The following LRRC9 variants were observed in gnomAD, a reference collection of about 807,000 sequenced individuals.
The protein encoded by LRRC9 is leucine rich repeat containing 9.
Under a neutral mutation model 63.2 loss-of-function variants are expected in LRRC9, and 122 were observed. The observed-to-expected ratio is 1.93, with a 90% CI of 1.67 to 2.24. LRRC9 has a LOEUF of 2.24. LRRC9 is among the 30% of genes most tolerant of loss of function. The probability of loss-of-function intolerance (pLI) is 0.00; values close to 1 mark genes in which losing one functional copy is unlikely to be tolerated. For missense variants in LRRC9, 1,071 were observed against 627.7 expected (o/e 1.71, Z -7.55); for synonymous variants, 366 against 213.1 (o/e 1.72, Z -6.25).
chr14:59,974,298 G>C (rs1420904804), intron 12 of LRRC9, among the ~76,000 whole-genome samples: 1 of 152,060 alleles, frequency 6.6e-6, no homozygotes, highest in Admixed American at 6.6e-5. Flanking sequence ...TATTGCTCCT[G>C]CTCCACATAG....
chr14:59,936,432 C>A lies in LRRC9; in HGVS notation c.544-1958C>A, dbSNP rs191648804. On this transcript the variant is annotated intron_variant, in intron 6 of 31. Transcript: ENST00000445360. The surrounding 1 kb of genome is among the most constrained non-coding windows in gnomAD (Gnocchi z 4.2). ...TATCTTATCATGGTGGTGATTGAATCAATTCTGTGCCCACCTTCCAACCAT... is the reference window on the plus strand; with the variant it reads ...TATCTTATCATGGTGGTGATTGAATAAATTCTGTGCCCACCTTCCAACCAT... 6.8e-4 allele frequency among the ~76,000 whole-genome samples: 104 copies of A among 152,204 alleles called. 2 individuals carry two copies. Among genetic ancestry groups the A allele is most frequent in the African/African-American group, 2.3e-3 (97 of 41,532 alleles).
chr14:59,987,327 A>G (rs1271426120), intron 17 of LRRC9, among the ~76,000 whole-genome samples: 2 of 150,458 alleles, frequency 1.3e-5, no homozygotes, highest in Non-Finnish European at 3.0e-5. Context: ...GCTTTTGGCA[A>G]CCAGTTACAT....
intron 1 of LRRC9, among the ~76,000 whole-genome samples, chr14:59,924,767 G>A (rs1217709644): frequency 6.6e-6 from 1 of 152,084 alleles, no homozygotes; most frequent in Non-Finnish European, 1.5e-5. Flanking sequence ...GATAGCACAT[G>A]ATTTGGCCCT....
Position 60,031,997 on chromosome 14 carries a change from T to C in LRRC9, c.3924T>C (p.Asp1308=). The C allele has an allele frequency of 2.9e-6, 2 of 700,352 alleles. No individual in the cohort carries two copies. The highest frequency in any genetic ancestry group is 2.0e-5 in the Admixed American group (1 of 49,838). 43.4% of individuals were successfully genotyped at this position (700,352 alleles called of 1,614,324 possible). ...CTTACTGATTAACTTTTGAATAGGATATCACAGAACTGGAAAAACTTGACG... is the reference window on the plus strand; with the variant it reads ...CTTACTGATTAACTTTTGAATAGGACATCACAGAACTGGAAAAACTTGACG... Residue 1308 remains aspartate, a splice_region_variant and synonymous_variant, in exon 29 of 32, where the codon GAT becomes GAC. Coordinates refer to ENST00000445360, the Ensembl canonical transcript of LRRC9. This position sits in a 1 kb window ranked among gnomAD's most constrained non-coding sequence, Gnocchi z 4.6.
intron 29 of LRRC9, among the ~76,000 whole-genome samples, chr14:60,037,636 G>C (rs146308449): frequency 5.9e-5 from 9 of 152,196 alleles, no homozygotes; most frequent in Admixed American, 1.3e-4. Flanking sequence ...TTGAAAATTT[G>C]TTTAGGTTCT....
At chr14:59,955,104 C>CT (rs1193668558) in intron 8 of LRRC9, among the ~76,000 whole-genome samples, 2 of 152,082 alleles carry the variant, frequency 1.3e-5, no homozygotes, top group Middle Eastern at 3.2e-3. Context: ...CTGATATTTT[C>CT]TTTTTTTGTT....
Position 60,007,990 on chromosome 14 carries a change from G to A in LRRC9, c.3064-102G>A, listed in dbSNP as rs992409448. 6 of 468,466 alleles carry A rather than the reference G, an allele frequency of 1.3e-5. No homozygotes were observed. The East Asian group carries it at 2.1e-4, about 16-fold the overall frequency. 29.0% of individuals were successfully genotyped at this position (468,466 alleles called of 1,614,324 possible). A position where few individuals can be genotyped will look rare whatever the true frequency, so the allele number is the denominator to read the frequency against. On this transcript the variant is annotated intron_variant, in intron 22 of 31. Transcript: ENST00000445360. ...ATACTTAAAGGCACTGAAATCCCATGGAATGATAGATAATTCCAATATTAA... is the reference window on the plus strand; with the variant it reads ...ATACTTAAAGGCACTGAAATCCCATAGAATGATAGATAATTCCAATATTAA...
intron 12 of LRRC9, among the ~76,000 whole-genome samples, chr14:59,970,621 A>G (rs762353242): frequency 1.3e-5 from 2 of 152,166 alleles, no homozygotes; most frequent in Non-Finnish European, 2.9e-5. Flanking sequence ...AATAATAGCC[A>G]TTCTGACTGG....
chr14:60,058,171 T>C lies in LRRC9; in HGVS notation c.4276+149T>C, dbSNP rs889753481. The C allele has an allele frequency of 2.2e-6, 1 of 457,724 alleles. No individual in the cohort carries two copies. Among genetic ancestry groups the C allele is most frequent in the African/African-American group, 1.9e-5 (1 of 51,814 alleles). 28.4% of individuals were successfully genotyped at this position (457,724 alleles called of 1,614,324 possible). On this transcript the variant is annotated intron_variant, in intron 31 of 31. Transcript: ENST00000445360. This position sits in a 1 kb window ranked among gnomAD's most constrained non-coding sequence, Gnocchi z 4.4. ...TTGCTCAAGTTTCCTATGGCCATTT[T>C]GATTTCAGAGATTATAGTTTTATTA...
chr14:60,055,035 C>A (rs1310390385), intron 30 of LRRC9, among the ~76,000 whole-genome samples: 3 of 152,238 alleles, frequency 2.0e-5, no homozygotes, highest in Non-Finnish European at 4.4e-5. Flanking sequence ...GCTGGGATTA[C>A]AGGCTTGAGC....
chr14:59,973,207 T>G (rs1280881924), intron 12 of LRRC9, among the ~76,000 whole-genome samples: 1 of 152,116 alleles, frequency 6.6e-6, no homozygotes, highest in Non-Finnish European at 1.5e-5. Context: ...CTCTATAAAC[T>G]CCTTCCTAAT....
intron 17 of LRRC9, among the ~76,000 whole-genome samples, chr14:59,987,846 TTATC>T (rs1418712451): frequency 6.6e-6 from 1 of 152,246 alleles, no homozygotes; most frequent in African/African-American, 2.4e-5. Context: ...ACATTTCTCA[TTATC>T]TATTATTTTA....
chr14:60,044,709 T>C (rs1171635080), intron 29 of LRRC9, among the ~76,000 whole-genome samples: 1 of 152,238 alleles, frequency 6.6e-6, no homozygotes, highest in Non-Finnish European at 1.5e-5. Context: ...GCCTAAGATA[T>C]GGTCTATTAT....
chr14:59,927,385 G>A lies in LRRC9; in HGVS notation c.-33-526G>A, dbSNP rs1229006987. On this transcript the variant is annotated intron_variant, in intron 1 of 31. Coordinates refer to ENST00000445360, the Ensembl canonical transcript of LRRC9. This position sits in a 1 kb window ranked among gnomAD's most constrained non-coding sequence, Gnocchi z 4.4. The stretch of plus-strand genomic sequence containing the variant: ...GTTGGTTCATATTCTCTAGAATGAA[G>A]GAGAAGTTGGAGTATTTATTTTAAT... Among the ~76,000 whole-genome samples the A allele has an allele frequency of 2.0e-5, 3 of 151,946 alleles. No homozygotes were observed. Among genetic ancestry groups the A allele is most frequent in the African/African-American group, 7.3e-5 (3 of 41,340 alleles).
Position 59,919,907 on chromosome 14 carries a change from T to C in LRRC9, c.-34+24T>C, listed in dbSNP as rs998819816. 8 of 152,166 alleles carry C rather than the reference T, an allele frequency of 5.3e-5. No homozygotes were observed. The highest frequency in any genetic ancestry group is 1.2e-4 in the Non-Finnish European group (8 of 68,052). The allele number at this position is 152,166 out of a possible 1,614,324, so 9.4% of individuals were successfully genotyped here. A position where few individuals can be genotyped will look rare whatever the true frequency, so the allele number is the denominator to read the frequency against. ...AGGTAAGTGAAAAGATAAGCGCAGG[T>C]ACAGAAAAACCTGCCAGCGAGAAGC... is the stretch of plus-strand genomic sequence containing the variant. On this transcript the variant is annotated intron_variant, in intron 1 of 31. Coordinates refer to ENST00000445360, the Ensembl canonical transcript of LRRC9. The surrounding 1 kb of genome is among the most constrained non-coding windows in gnomAD (Gnocchi z 4.5).
intron 29 of LRRC9, among the ~76,000 whole-genome samples, chr14:60,037,519 A>G (rs1326801921): frequency 6.6e-6 from 1 of 152,348 alleles, no homozygotes; most frequent in Admixed American, 6.5e-5. Flanking sequence ...ATGGCCAGTG[A>G]TAATGAGCAT....
At chr14:59,940,785 G>T (rs569752779) in intron 7 of LRRC9, among the ~76,000 whole-genome samples, 57 of 151,790 alleles carry the variant, frequency 3.8e-4, no homozygotes, top group Non-Finnish European at 7.4e-4. Flanking sequence ...TTCTTTTTTG[G>T]CCACCTAAGA....
intron 12 of LRRC9, among the ~76,000 whole-genome samples, chr14:59,968,033 C>T (rs555935905): frequency 8.9e-4 from 136 of 152,196 alleles, no homozygotes; most frequent in African/African-American, 3.0e-3. Flanking sequence ...AAATATGCAT[C>T]AACAGATGAA....
chr14:60,012,191 G>T (rs962082578), intron 23 of LRRC9, among the ~76,000 whole-genome samples: 1 of 152,160 alleles, frequency 6.6e-6, no homozygotes, highest in African/African-American at 2.4e-5. Context: ...AAATGGCATA[G>T]TTCAAATCCT....
Sources: gnomAD v4.1 joint callset for allele counts (sites outside exome capture counted in the v4.1 genomes callset) on GRCh38, gnomAD v4.1.1 for gene constraint, Gnocchi (gnomAD v3.1) non-coding constraint, MANE v1.5 for transcripts, NCBI Gene and HGNC (gene_info 2026-07-23, HGNC 2026-07-21) for gene names.